The following PIF1 variants were observed in gnomAD, a reference collection of about 807,000 sequenced individuals.
The protein encoded by PIF1 is ATP-dependent DNA helicase PIF1.
Under a neutral mutation model 62.3 loss-of-function variants are expected in PIF1, and 67 were observed. That is an observed-to-expected ratio of 1.08 (90% CI 0.88 to 1.32). PIF1 has a LOEUF of 1.32. Among genes scored for constraint, PIF1 ranks in the 40% most tolerant of loss-of-function variants. The pLI is 0.00. For missense variants in PIF1, 886 were observed against 866.1 expected (o/e 1.02, Z -0.29); for synonymous variants, 364 against 379.5 (o/e 0.96, Z 0.47).
Position 64,823,855 on chromosome 15 carries a change from T to G in PIF1, c.481A>C (p.Arg161=). The G allele has an allele frequency of 7.2e-7, 1 of 1,382,830 alleles. No homozygotes were observed. 85.7% of individuals were successfully genotyped at this position (1,382,830 alleles called of 1,614,324 possible). The change falls in exon 2 of 13, where the codon AGG becomes CGG. Residue 161 remains arginine, a synonymous_variant. Transcript: ENST00000559239. ...GTGTCCGGAACCCGGGTGGCCGCCC[T>G]GAGCCGCCGCTCCTCGGGCTGCACA... ...SPVQPEERRL[R]AATRVPDTTL... is the part of the protein sequence containing the mutation.
At chr15:64,819,783 TGG>T in intron 8 of PIF1, 62 bp downstream of exon 8, 2 of 1,600,830 alleles carry the variant, frequency 1.2e-6, no homozygotes, top group Non-Finnish European at 1.7e-6. Context: ...CCAGGTTGCC[TGG>T]GGGCTACATC....
At chr15:64,821,567 T>A in intron 4 of PIF1, 47 bp from the exon 5 acceptor site, 103 of 48,186 alleles carry the variant, frequency 2.1e-3, no homozygotes, top group Admixed American at 5.0e-3. Flanking sequence ...AAGCCTCTCT[T>A]TTTTTTTTTT....
At position 64,819,788 on chromosome 15, in the gene PIF1, G is replaced by A. The variant is rs2084257352; in HGVS notation, c.1333+59C>T. ...ACCCAGAGGCCCAGGTTGCCTGGGG[G>A]CTACATCTGCTTATAACTCTTCCCA... On this transcript the variant is annotated intron_variant, in intron 8 of 12. Coordinates refer to ENST00000559239, the MANE Select transcript of PIF1 (RefSeq NM_001286496.2). 1.9e-6 allele frequency: 3 copies of A among 1,602,544 alleles called. No homozygotes were observed. In the African/African-American group the frequency reaches 4.0e-5, roughly 21 times the overall value.
Position 64,824,344 on chromosome 15 carries a change from C to A in PIF1, c.-9G>T, listed in dbSNP as rs530219722. 8.0e-6 allele frequency: 10 copies of A among 1,247,858 alleles called. No individual in the cohort carries two copies. Among genetic ancestry groups the A allele is most frequent in the Non-Finnish European group, 1.0e-5 (10 of 995,560 alleles). 77.3% of individuals were successfully genotyped at this position (1,247,858 alleles called of 1,614,324 possible). ...TCTATGCCCGAGAGCATCGTCACCG[C>A]CTCTGCTGGTCTGCGAAGACACCGG... On this transcript the variant is annotated 5_prime_UTR_variant, in exon 2 of 13. Coordinates refer to ENST00000559239, the MANE Select transcript of PIF1 (RefSeq NM_001286496.2).
intron 2 of PIF1, chr15:64,823,557 T>C (rs752546891): frequency 3.4e-5 from 13 of 383,874 alleles, no homozygotes; most frequent in African/African-American, 8.3e-5. Flanking sequence ...TGCTTTCTCT[T>C]TTAATGTAGC....
intron 11 of PIF1, among the ~76,000 whole-genome samples, 167 bp from the exon 12 acceptor site, chr15:64,816,932 G>C (rs908601607): frequency 6.6e-6 from 1 of 152,182 alleles, no homozygotes; most frequent in African/African-American, 2.4e-5. Context: ...TGAGTAGGAG[G>C]GGGACCGGGA....
Position 64,823,888 on chromosome 15 carries a change from T to C in PIF1, c.448A>G (p.Ile150Val), listed in dbSNP as rs192801793. The C allele has an allele frequency of 3.3e-4, 451 of 1,387,066 alleles. 2 individuals are homozygous for C. In the East Asian group the frequency reaches 0.012, roughly 38 times the overall value. The allele number at this position is 1,387,066 out of a possible 1,614,324, so 85.9% of individuals were successfully genotyped here. Reference sequence around the variant, plus strand: ...CGCTCCTCGGGCTGCACAGGGCTGATGGTGACGAAGTCGCGGGGCCGCGGG... The same window carrying C: ...CGCTCCTCGGGCTGCACAGGGCTGACGGTGACGAAGTCGCGGGGCCGCGGG... ...LGPRPRDFVT[I>V]SPVQPEERRL... Residue 150 changes from isoleucine to valine, a missense_variant, in exon 2 of 13, where the codon ATC becomes GTC. Coordinates refer to ENST00000559239, the MANE Select transcript of PIF1 (RefSeq NM_001286496.2).
At chr15:64,826,641 TATATATATATATATATATATATATAC>T (rs1289496793), upstream of PIF1, among the ~76,000 whole-genome samples, 4 of 27,614 alleles carry the variant, frequency 1.4e-4, 1 homozygote, top group African/African-American at 4.6e-4. Context: ...TATATATATA[TATATATATATATATATATATATATAC>T]ACACACACAC....
chr15:64,822,076 T>C, intron 4 of PIF1, 190 bp downstream of exon 4: 3 of 695,196 alleles, frequency 4.3e-6, no homozygotes, highest in South Asian at 4.0e-5. Flanking sequence ...GGGTTTACTG[T>C]GTTGGCCAGG....
At chr15:64,824,816 T>TA (rs35316285) in intron 1 of PIF1, among the ~76,000 whole-genome samples, 60,069 of 144,840 alleles carry the variant, frequency 0.41, 13,162 homozygotes, top group African/African-American at 0.54. Context: ...ACCCTCTAAT[T>TA]AAAAAAAAAA....
chr15:64,823,983 CG>C lies in PIF1; in HGVS notation c.352del (p.Arg118AlafsTer55). The C allele has an allele frequency of 7.7e-7, 1 of 1,299,662 alleles. No individual in the cohort carries two copies. The allele number at this position is 1,299,662 out of a possible 1,614,324, so 80.5% of individuals were successfully genotyped here. ...CGCAGCCAGCTTGAGGCGCAATGTG[CG>C]CAGGAAGCGGCGCAGGCGGTCTGGG... is the stretch of plus-strand genomic sequence containing the variant. ...CPPDRLRRFL[R>X]TLRLKLAAAP... On this transcript the variant is annotated frameshift_variant, in exon 2 of 13. Coordinates refer to ENST00000559239, the MANE Select transcript of PIF1 (RefSeq NM_001286496.2). LOFTEE classifies it high-confidence loss of function.
upstream of PIF1, among the ~76,000 whole-genome samples, chr15:64,826,649 T>TATATATAC (rs1299467111): frequency 8.4e-5 from 3 of 35,872 alleles, no homozygotes; most frequent in Non-Finnish European, 1.2e-4. Flanking sequence ...TATATATATA[T>TATATATAC]ATATATATAT....
In PIF1 at chr15:64,820,496, A is replaced by G. The variant is rs141709350; in HGVS notation, c.1193+486T>C. On this transcript the variant is annotated intron_variant, in intron 7 of 12. Coordinates refer to ENST00000559239, the MANE Select transcript of PIF1 (RefSeq NM_001286496.2). ...ACTGCAACCTCTGCCTCCCTGGTTT[A>G]AGCGATTCTCCTGCCTCAGCCTCCC... Among the ~76,000 whole-genome samples the G allele has an allele frequency of 6.4e-3, 973 of 152,346 alleles. 7 individuals are homozygous for G. The highest frequency in any genetic ancestry group is 0.02 in the African/African-American group (835 of 41,568).
intron 1 of PIF1, 149 bp from the exon 2 acceptor site, chr15:64,824,503 G>A (rs1479171792): frequency 2.0e-6 from 1 of 504,228 alleles, no homozygotes; most frequent in East Asian, 3.5e-5. Flanking sequence ...AACACAAAGA[G>A]GTCACAAAGA....
intron 12 of PIF1, 54 bp downstream of exon 12, chr15:64,816,520 C>A: frequency 6.2e-7 from 1 of 1,605,094 alleles, no homozygotes; most frequent in Non-Finnish European, 8.5e-7. Context: ...TCCCTCTGTC[C>A]TAGCTCCCAC....
intron 8 of PIF1, 134 bp downstream of exon 8, chr15:64,819,713 G>A: frequency 8.4e-7 from 1 of 1,192,238 alleles, no homozygotes; most frequent in Non-Finnish European, 1.2e-6. Flanking sequence ...AGTCACAGTT[G>A]CATTTGCAAA....
intron 2 of PIF1, 150 bp downstream of exon 2, chr15:64,823,628 G>T: frequency 2.0e-6 from 1 of 487,856 alleles, no homozygotes; most frequent in Non-Finnish European, 3.4e-6. Flanking sequence ...ACAACCACAG[G>T]CACAATTCCC....
intron 2 of PIF1, 134 bp downstream of exon 2, chr15:64,823,644 C>T: frequency 1.8e-6 from 1 of 553,372 alleles, no homozygotes; most frequent in Admixed American, 4.4e-5. Flanking sequence ...TTCCCACACC[C>T]CTGTCATACT....
At chr15:64,821,563 CTCTTTTT>C in intron 4 of PIF1, 43 bp from the exon 5 acceptor site, 7 of 1,333,176 alleles carry the variant, frequency 5.3e-6, no homozygotes, top group South Asian at 1.6e-5. Context: ...CCCAAAGCCT[CTCTTTTT>C]TTTTTTTTTT....
Sources: allele counts gnomAD v4.1 joint callset (sites outside exome capture counted in the v4.1 genomes callset), GRCh38; gene constraint gnomAD v4.1.1; transcripts MANE v1.5; gene names NCBI Gene and HGNC (gene_info 2026-07-23, HGNC 2026-07-21).